NEK11: variants seen among roughly 807,000 people sequenced by gnomAD.
The protein encoded by NEK11 is serine/threonine-protein kinase Nek11.
A neutral mutation model predicts 80.7 loss-of-function variants in NEK11; 72 were observed. The observed-to-expected ratio is 0.89, with a 90% CI of 0.74 to 1.08. The LOEUF (loss-of-function observed/expected upper bound fraction) is 1.08. NEK11 is among the 50% of genes least tolerant of loss of function. The pLI is 0.00. For synonymous variants in NEK11, 251 were observed against 260.7 expected, an observed-to-expected ratio of 0.96 and a Z score of 0.36; for missense variants, 764 against 763.6, an observed-to-expected ratio of 1.00 and a Z score of -0.01.
chr3:131,285,855 G>T (rs1020007595), intron 17 of NEK11, among the ~76,000 whole-genome samples: 1 of 152,208 alleles, frequency 6.6e-6, no homozygotes, highest in Non-Finnish European at 1.5e-5. Flanking sequence ...ATGATGGGAA[G>T]CATCAGAGAG....
At chr3:131,129,425 G>A (rs1437356835) in intron 5 of NEK11, among the ~76,000 whole-genome samples, 1 of 152,102 alleles carries the variant, frequency 6.6e-6, no homozygotes, top group Non-Finnish European at 1.5e-5. Flanking sequence ...TTCCTTGACA[G>A]TGTTTTCTTA....
chr3:131,180,553 C>G (rs1234621077), intron 14 of NEK11, among the ~76,000 whole-genome samples: 1 of 151,936 alleles, frequency 6.6e-6, no homozygotes, highest in African/African-American at 2.4e-5. Context: ...ACCTAAAAAG[C>G]AAAATATAAT....
intron 3 of NEK11, among the ~76,000 whole-genome samples, chr3:131,036,037 T>C (rs931028112): frequency 1.3e-5 from 2 of 152,238 alleles, no homozygotes; most frequent in African/African-American, 4.8e-5. Context: ...AAATAATCTA[T>C]AATCCTGCCA....
intron 14 of NEK11, among the ~76,000 whole-genome samples, chr3:131,209,717 G>T (rs946302804): frequency 3.9e-5 from 6 of 152,174 alleles, no homozygotes; most frequent in Admixed American, 1.3e-4. Flanking sequence ...TCTTGGGAGG[G>T]TGTAAATGTA....
At chr3:131,087,961 T>A (rs964970784) in intron 4 of NEK11, 2 of 152,322 alleles carry the variant, frequency 1.3e-5, no homozygotes, top group African/African-American at 4.8e-5. Flanking sequence ...CATTGATTGG[T>A]GATCATCCTT....
At chr3:131,342,182 C>A (rs944656253) in intron 17 of NEK11, among the ~76,000 whole-genome samples, 6 of 152,184 alleles carry the variant, frequency 3.9e-5, no homozygotes, top group African/African-American at 1.4e-4. Context: ...CTGCCTGCTT[C>A]TGGAGAGAGA....
At chr3:131,221,607 C>T (rs930895703) in intron 14 of NEK11, among the ~76,000 whole-genome samples, 1 of 152,096 alleles carries the variant, frequency 6.6e-6, no homozygotes, top group Non-Finnish European at 1.5e-5. Context: ...AACTAAGTTC[C>T]TTTAGAGGAA....
Position 131,129,052 on chromosome 3 carries a change from CT to C in NEK11, c.456-3674del, listed in dbSNP as rs759751535. Among the ~76,000 whole-genome samples the C allele has an allele frequency of 7.3e-3, 795 of 109,496 alleles. 2 individuals are homozygous for C. The highest frequency in any genetic ancestry group is 0.047 in the East Asian group (169 of 3,592). 71.8% of individuals were successfully genotyped at this position (109,496 alleles called of 152,430 possible). ...TTCTTTGTATATTTTGGATAACAGTCTTTTTTTTTTTTTTTTTTTGAGACTG... is the reference window on the plus strand; with the variant it reads ...TTCTTTGTATATTTTGGATAACAGTCTTTTTTTTTTTTTTTTTTGAGACTG... On this transcript the variant is annotated intron_variant, in intron 5 of 17. Transcript: ENST00000383366.
intron 5 of NEK11, among the ~76,000 whole-genome samples, chr3:131,115,155 A>G (rs777736052): frequency 1.4e-4 from 22 of 152,284 alleles, no homozygotes; most frequent in Admixed American, 2.6e-4. Context: ...GAATGGAACA[A>G]AAGACAGAGG....
intron 3 of NEK11, among the ~76,000 whole-genome samples, chr3:131,072,592 G>A (rs576513091): frequency 6.6e-6 from 1 of 152,262 alleles, no homozygotes; most frequent in South Asian, 2.1e-4. Flanking sequence ...CAGGTTGTGG[G>A]GGAGAAAGAT....
chr3:131,138,463 C>T (rs556784288), intron 7 of NEK11, among the ~76,000 whole-genome samples: 27 of 152,282 alleles, frequency 1.8e-4, no homozygotes, highest in African/African-American at 6.5e-4. Flanking sequence ...CATCTCTGGA[C>T]CTGCCCAGGA....
chr3:131,170,366 G>T (rs781021515), intron 13 of NEK11, among the ~76,000 whole-genome samples: 2 of 152,198 alleles, frequency 1.3e-5, no homozygotes, highest in Non-Finnish European at 2.9e-5. Context: ...GAACTTGTAA[G>T]TCATTCAGGC....
intron 16 of NEK11, among the ~76,000 whole-genome samples, chr3:131,267,052 T>C (rs2096072717): frequency 6.6e-6 from 1 of 152,242 alleles, no homozygotes; most frequent in Non-Finnish European, 1.5e-5. Context: ...TAAATATTAT[T>C]CCATCCCTTT....
At chr3:131,338,988 T>A (rs1054945812) in intron 17 of NEK11, among the ~76,000 whole-genome samples, 1 of 151,750 alleles carries the variant, frequency 6.6e-6, no homozygotes. Flanking sequence ...TTATATATAT[T>A]TTTTTATCAA....
chr3:131,148,375 C>G (rs1219979674), intron 7 of NEK11, among the ~76,000 whole-genome samples: 1 of 151,852 alleles, frequency 6.6e-6, no homozygotes, highest in South Asian at 2.1e-4. Context: ...TCAAACTTGT[C>G]CTGGTCTTAC....
intron 3 of NEK11, among the ~76,000 whole-genome samples, chr3:131,076,356 T>C (rs1163872934): frequency 6.6e-6 from 1 of 152,248 alleles, no homozygotes; most frequent in African/African-American, 2.4e-5. Flanking sequence ...ATGTTAATTC[T>C]GATAATTTCT....
intron 5 of NEK11, among the ~76,000 whole-genome samples, chr3:131,115,936 T>TTCTTTCTTTCTTTCTTTCTTTCTTTC (rs2081025140): frequency 3.4e-5 from 4 of 118,720 alleles, no homozygotes; most frequent in African/African-American, 1.3e-4. Flanking sequence ...CTTTCTTTCT[T>TTCTTTCTTTCTTTCTTTCTTTCTTTC]TCTTTCTTTC....
chr3:131,051,669 C>G (rs955068010), intron 3 of NEK11, among the ~76,000 whole-genome samples: 1 of 152,002 alleles, frequency 6.6e-6, no homozygotes, highest in Non-Finnish European at 1.5e-5. Flanking sequence ...ATTTTTAAAA[C>G]CTTTAAAAAT....
rs114181800 is a variant in NEK11 at position 131,064,716 on chromosome 3, A to G, written c.171-15707A>G. Among the ~76,000 whole-genome samples the G allele has an allele frequency of 5.5e-3, 832 of 152,322 alleles. 8 individuals carry two copies. Among genetic ancestry groups the G allele is most frequent in the African/African-American group, 0.019 (777 of 41,572 alleles). On this transcript the variant is annotated intron_variant, in intron 3 of 17. Transcript: ENST00000383366. ...TTGAAAAGAGTGAATTTAATGGTAC[A>G]TGAATTATGTCTCAATAAAACTGTT...
Sources: gnomAD v4.1 joint callset for allele counts (sites outside exome capture counted in the v4.1 genomes callset) on GRCh38, gnomAD v4.1.1 for gene constraint, MANE v1.5 for transcripts, NCBI Gene and HGNC (gene_info 2026-07-23, HGNC 2026-07-21) for gene names.